GRB2: variants seen among roughly 807,000 people sequenced by gnomAD.
GRB2 encodes growth factor receptor bound protein 2.
GRB2 carries 2 observed loss-of-function variants against 27.4 expected under a neutral mutation model. The ratio of observed to expected loss-of-function variants is 0.07; its 90% CI spans 0.03 to 0.23. GRB2 has a LOEUF of 0.23. Ranked by LOEUF, GRB2 falls within the 10% of genes least tolerant of loss-of-function variation. The pLI, the probability that GRB2 is intolerant of heterozygous loss-of-function variation, is 1.00. For synonymous variants in GRB2, 94 were observed against 99.6 expected, an observed-to-expected ratio of 0.94 and a Z score of 0.33; for missense variants, 102 against 282.4, an observed-to-expected ratio of 0.36 and a Z score of 4.58.
rs1339162923 is a variant in GRB2, at chr17:75,353,576, A to C, written c.79-20779T>G. On this transcript the variant is annotated intron_variant, in intron 2 of 5. Coordinates refer to ENST00000316804, the MANE Select transcript of GRB2 (RefSeq NM_002086.5). ...AGGGGTTCAAGACCAGCCTGACAAC[A>C]CGGTGAAACCCCGCCTCTACTAAAA... Among the ~76,000 whole-genome samples the C allele has an allele frequency of 4.6e-5, 7 of 152,002 alleles. No homozygotes were observed. The South Asian group carries it at 1.2e-3, about 27-fold the overall frequency.
At chr17:75,365,364 C>T (rs2078812428) in intron 2 of GRB2, among the ~76,000 whole-genome samples, 1 of 152,184 alleles carries the variant, frequency 6.6e-6, no homozygotes, top group African/African-American at 2.4e-5. Flanking sequence ...CTGGACAGAA[C>T]TTTATATCCA....
At chr17:75,327,137 G>A (rs888434314) in intron 3 of GRB2, among the ~76,000 whole-genome samples, 2 of 140,824 alleles carry the variant, frequency 1.4e-5, no homozygotes, top group African/African-American at 5.2e-5. Flanking sequence ...GCACGATCTC[G>A]CTCACTGCAA....
chr17:75,384,566 A>C (rs1177464354), intron 2 of GRB2, among the ~76,000 whole-genome samples: 2 of 152,154 alleles, frequency 1.3e-5, no homozygotes, highest in Non-Finnish European at 2.9e-5. Flanking sequence ...GCTACTCAAG[A>C]GGCTAAGGCA....
chr17:75,364,695 G>A (rs954033885), intron 2 of GRB2, among the ~76,000 whole-genome samples: 3 of 152,114 alleles, frequency 2.0e-5, no homozygotes. Context: ...TATTAGGGTT[G>A]TCTATTTTCT....
intron 2 of GRB2, among the ~76,000 whole-genome samples, chr17:75,363,945 C>T (rs1325920460): frequency 6.9e-6 from 1 of 145,818 alleles, no homozygotes; most frequent in Non-Finnish European, 1.5e-5. Context: ...TCTAACTCTA[C>T]AGTTTCACTT....
chr17:75,403,640 T>A (rs887590236), intron 1 of GRB2, among the ~76,000 whole-genome samples: 4 of 152,088 alleles, frequency 2.6e-5, no homozygotes, highest in Admixed American at 6.6e-5. Context: ...GGTGAGCACC[T>A]GTAATCCCAG....
chr17:75,393,841 C>T, intron 1 of GRB2, 76 bp from the exon 2 acceptor site: 1 of 550,726 alleles, frequency 1.8e-6, no homozygotes. Flanking sequence ...GGCCTGCTGT[C>T]CCAGCCCCCA....
At chr17:75,328,857 G>A (rs1395707604) in intron 3 of GRB2, among the ~76,000 whole-genome samples, 3 of 151,082 alleles carry the variant, frequency 2.0e-5, no homozygotes, top group African/African-American at 7.3e-5. Flanking sequence ...AGAATGGAGT[G>A]AACCTGGGAG....
chr17:75,359,522 T>A (rs1567866685), intron 2 of GRB2, among the ~76,000 whole-genome samples: 2 of 106,528 alleles, frequency 1.9e-5, no homozygotes, highest in African/African-American at 6.4e-5. Context: ...ATAATAATAA[T>A]AAATAATAAT....
At chr17:75,393,062 T>C (rs1427772601) in intron 2 of GRB2, among the ~76,000 whole-genome samples, 1 of 152,256 alleles carries the variant, frequency 6.6e-6, no homozygotes, top group Non-Finnish European at 1.5e-5. Flanking sequence ...TAATGAGTTT[T>C]GGTATGTACT....
intron 2 of GRB2, among the ~76,000 whole-genome samples, chr17:75,391,795 G>A (rs1345462529): frequency 2.4e-5 from 3 of 124,114 alleles, no homozygotes; most frequent in Non-Finnish European, 5.2e-5. Context: ...GTGACAGAGC[G>A]AGACTCCATC....
chr17:75,349,508 C>CTTTT lies in GRB2; in HGVS notation c.79-16715_79-16712dup, dbSNP rs36010389. 1.2e-3 allele frequency among the ~76,000 whole-genome samples: 138 copies of CTTTT among 115,850 alleles called. 5 individuals carry two copies. Among genetic ancestry groups the CTTTT allele is most frequent in the Non-Finnish European group, 1.7e-3 (96 of 58,044 alleles). The allele number at this position is 115,850 out of a possible 152,430, so 76.0% of individuals were successfully genotyped here. Reference sequence around the variant, plus strand: ...GAGCCTTCTGTTTTCATAACTCAGACTTTTTTTTTTTTTTTTTTTTGAGAC... The same window carrying CTTTT: ...GAGCCTTCTGTTTTCATAACTCAGACTTTTTTTTTTTTTTTTTTTTTTTTGAGAC... On this transcript the variant is annotated intron_variant, in intron 2 of 5. Transcript: ENST00000316804.
At chr17:75,386,236 A>T (rs896914629) in intron 2 of GRB2, among the ~76,000 whole-genome samples, 11 of 151,932 alleles carry the variant, frequency 7.2e-5, no homozygotes, top group Admixed American at 3.3e-4. Flanking sequence ...CTCATGCCTC[A>T]GCCTCCTGAG....
chr17:75,342,308 A>G (rs1409750297), intron 2 of GRB2, among the ~76,000 whole-genome samples: 1 of 152,108 alleles, frequency 6.6e-6, no homozygotes, highest in East Asian at 1.9e-4. Context: ...CACAGCTCTT[A>G]GTATGGTATC....
intron 4 of GRB2, 120 bp from the exon 5 acceptor site, chr17:75,321,947 G>A (rs1041826411): frequency 7.7e-6 from 7 of 912,600 alleles, no homozygotes; most frequent in African/African-American, 5.0e-5. Flanking sequence ...CTCAGGGACT[G>A]CAGAGCAACA....
At chr17:75,326,153 G>T in intron 3 of GRB2, 133 bp from the exon 4 acceptor site, 2 of 1,019,166 alleles carry the variant, frequency 2.0e-6, no homozygotes, top group Non-Finnish European at 3.0e-6. Context: ...CAGCCTCACA[G>T]TGCCCAAGAT....
intron 2 of GRB2, among the ~76,000 whole-genome samples, chr17:75,383,561 T>C (rs1202422533): frequency 2.6e-5 from 4 of 152,074 alleles, no homozygotes; most frequent in Non-Finnish European, 5.9e-5. Flanking sequence ...AACACCAACA[T>C]AGGCTGGGCG....
At chr17:75,383,416 G>C (rs1274137715) in intron 2 of GRB2, among the ~76,000 whole-genome samples, 1 of 152,202 alleles carries the variant, frequency 6.6e-6, no homozygotes, top group African/African-American at 2.4e-5. Context: ...TTTATGCGTA[G>C]AGTCATGTGA....
chr17:75,373,720 A>T (rs1456525884), intron 2 of GRB2: 1 of 152,004 alleles, frequency 6.6e-6, no homozygotes, highest in Non-Finnish European at 1.5e-5. Flanking sequence ...GCTTAGTATC[A>T]ACCTTAGCAC....
Sources: gnomAD v4.1 joint callset for allele counts (sites outside exome capture counted in the v4.1 genomes callset) on GRCh38, gnomAD v4.1.1 for gene constraint, MANE v1.5 for transcripts, NCBI Gene and HGNC (gene_info 2026-07-23, HGNC 2026-07-21) for gene names.